The following ZSWIM9 variants were observed in gnomAD, a reference collection of about 807,000 sequenced individuals.
ZSWIM9 encodes uncharacterized protein ZSWIM9.
Under a neutral mutation model 25.0 loss-of-function variants are expected in ZSWIM9, and 11 were observed. The observed-to-expected ratio is 0.44, with a 90% CI of 0.28 to 0.73. The LOEUF (loss-of-function observed/expected upper bound fraction) is 0.73. ZSWIM9 is among the 30% of genes least tolerant of loss of function. ZSWIM9 has a pLI of 0.16. For synonymous variants in ZSWIM9, 562 were observed against 582.1 expected, an observed-to-expected ratio of 0.97 and a Z score of 0.50; for missense variants, 1,070 against 1,296.5, an observed-to-expected ratio of 0.83 and a Z score of 2.68.
chr19:48,172,659 G>A (rs1027794176), intron 2 of ZSWIM9, among the ~76,000 whole-genome samples: 2 of 152,110 alleles, frequency 1.3e-5, no homozygotes, highest in Admixed American at 1.3e-4. Flanking sequence ...TGGGATTACA[G>A]GCACGCGCCA....
chr19:48,196,926 C>A lies in ZSWIM9; in HGVS notation c.*99C>A. 2 of 1,185,750 alleles carry A rather than the reference C, an allele frequency of 1.7e-6. No individual in the cohort carries two copies. Among genetic ancestry groups the A allele is most frequent in the Non-Finnish European group, 1.1e-6 (1 of 932,510 alleles). The allele number at this position is 1,185,750 out of a possible 1,614,324, so 73.5% of individuals were successfully genotyped here. ...CTGAGGCCAAGGAGACCGTTGCAGT[C>A]CCCCTGGCCACCTTCTGGGTCATCC... On this transcript the variant is annotated 3_prime_UTR_variant, in exon 4 of 4. Coordinates refer to ENST00000614654, the MANE Select transcript of ZSWIM9 (RefSeq NM_199341.4).
chr19:48,196,458 A>C lies in ZSWIM9; in HGVS notation c.2394A>C (p.Gly798=), dbSNP rs915693495. The C allele has an allele frequency of 1.1e-5, 13 of 1,232,438 alleles. No homozygotes were observed. The highest frequency in any genetic ancestry group is 1.3e-5 in the Non-Finnish European group (13 of 988,340). 76.3% of individuals were successfully genotyped at this position (1,232,438 alleles called of 1,614,324 possible). A position where few individuals can be genotyped will look rare whatever the true frequency, so the allele number is the denominator to read the frequency against. The change falls in exon 4 of 4, where the codon GGA becomes GGC. Residue 798 remains glycine, a synonymous_variant. Coordinates refer to ENST00000614654, the MANE Select transcript of ZSWIM9 (RefSeq NM_199341.4). ...CTGCAGGTGACGGCCTGCAGGAAGG[A>C]GGCGAAGATGGCCCCAGGGAACCAA... ...HLAAGDGLQE[G]GEDGPREPKR...
rs1029654168 is a variant in ZSWIM9 at position 48,182,572 on chromosome 19, C to T, written c.393C>T (p.Phe131=). ...CACACCCGGCCTGCCCGCTGGAGTT[C>T]GCCTACTACTTCCGCCCGGGCCACC... ...THSHPACPLE[F]AYYFRPGHLL... is the part of the protein sequence containing the mutation. The change falls in exon 3 of 4, where the codon TTC becomes TTT. Residue 131 remains phenylalanine, a synonymous_variant. Transcript: ENST00000614654. The surrounding 1 kb of genome is among the most constrained non-coding windows in gnomAD (Gnocchi z 4.6). The T allele has an allele frequency of 5.2e-6, 8 of 1,535,766 alleles. No individual in the cohort carries two copies. The African/African-American group carries it at 5.5e-5, about 11-fold the overall frequency.
chr19:48,171,427 T>TA (rs1165076212), intron 1 of ZSWIM9: 1 of 977,678 alleles, frequency 1.0e-6, no homozygotes, highest in African/African-American at 1.8e-5. Context: ...GGAGGAGGTT[T>TA]TAGCTGGAAT....
Position 48,196,923 on chromosome 19 carries a change from A to C in ZSWIM9, c.*96A>C. 8.3e-7 allele frequency: 1 copy of C among 1,207,290 alleles called. No individual in the cohort carries two copies. Among genetic ancestry groups the C allele is most frequent in the Non-Finnish European group, 1.0e-6 (1 of 952,408 alleles). 74.8% of individuals were successfully genotyped at this position (1,207,290 alleles called of 1,614,324 possible). A position where few individuals can be genotyped will look rare whatever the true frequency, so the allele number is the denominator to read the frequency against. On this transcript the variant is annotated 3_prime_UTR_variant, in exon 4 of 4. Coordinates refer to ENST00000614654, the MANE Select transcript of ZSWIM9 (RefSeq NM_199341.4). ...GGGCTGAGGCCAAGGAGACCGTTGC[A>C]GTCCCCCTGGCCACCTTCTGGGTCA...
chr19:48,192,498 T>TATATATATATATATATATACACAC (rs369454865), intron 3 of ZSWIM9, among the ~76,000 whole-genome samples: 13 of 20,756 alleles, frequency 6.3e-4, no homozygotes, highest in East Asian at 1.7e-3. Flanking sequence ...TATATATATA[T>TATATATATATATATATATACACAC]ACACACACAC....
At chr19:48,173,895 T>C (rs1420913242) in intron 2 of ZSWIM9, among the ~76,000 whole-genome samples, 1 of 152,242 alleles carries the variant, frequency 6.6e-6, no homozygotes, top group African/African-American at 2.4e-5. Context: ...CCCAAAGTGC[T>C]GGGATTACAG....
intron 1 of ZSWIM9, among the ~76,000 whole-genome samples, chr19:48,170,945 A>C (rs1388523251): frequency 2.0e-5 from 3 of 151,460 alleles, no homozygotes; most frequent in Non-Finnish European, 4.4e-5. Flanking sequence ...ACGAAGATGC[A>C]TATTGCGGGG....
At chr19:48,170,882 G>T (rs1273247478) in intron 1 of ZSWIM9, among the ~76,000 whole-genome samples, 168 bp downstream of exon 1, 1 of 151,994 alleles carries the variant, frequency 6.6e-6, no homozygotes, top group Non-Finnish European at 1.5e-5. Flanking sequence ...CTGGACGTGG[G>T]GGGAGCATCT....
At chr19:48,188,988 A>G (rs2037063358) in intron 3 of ZSWIM9, among the ~76,000 whole-genome samples, 1 of 151,984 alleles carries the variant, frequency 6.6e-6, no homozygotes, top group African/African-American at 2.4e-5. Context: ...CTGAGCTCAC[A>G]CCACTGTACT....
intron 1 of ZSWIM9, 84 bp from the exon 2 acceptor site, chr19:48,171,709 AC>A (rs2036816175): frequency 1.5e-6 from 2 of 1,348,552 alleles, no homozygotes; most frequent in Non-Finnish European, 2.0e-6. Context: ...CCAGCAACCG[AC>A]GGGGCAGGCC....
intron 3 of ZSWIM9, chr19:48,192,118 ATATT>A (rs2037100335): frequency 6.5e-6 from 1 of 154,148 alleles, no homozygotes; most frequent in African/African-American, 2.4e-5. Context: ...CTTCTTTTTT[ATATT>A]TATTTATCCT....
chr19:48,183,349 G>A (rs998619954), intron 3 of ZSWIM9, among the ~76,000 whole-genome samples: 23 of 152,042 alleles, frequency 1.5e-4, no homozygotes, highest in East Asian at 9.7e-4. Context: ...GGATGGTCTC[G>A]ATCTCCTGAC....
Position 48,197,256 on chromosome 19 carries a change from A to G in ZSWIM9, c.*429A>G. The G allele has an allele frequency of 1.4e-6, 1 of 702,552 alleles. No homozygotes were observed. The highest frequency in any genetic ancestry group is 2.6e-6 in the Non-Finnish European group (1 of 384,854). 43.5% of individuals were successfully genotyped at this position (702,552 alleles called of 1,614,324 possible). A position where few individuals can be genotyped will look rare whatever the true frequency, so the allele number is the denominator to read the frequency against. ...GAAAGGGAGAAAGTACAGAAGACAG[A>G]TGAAGGAGAGGAGGTAAGCGAGAAA... On this transcript the variant is annotated 3_prime_UTR_variant, in exon 4 of 4. Coordinates refer to ENST00000614654, the MANE Select transcript of ZSWIM9 (RefSeq NM_199341.4).
Position 48,195,818 on chromosome 19 carries a change from A to G in ZSWIM9, c.1754A>G (p.Gln585Arg), listed in dbSNP as rs1441967416. The G allele has an allele frequency of 8.7e-6, 13 of 1,486,236 alleles. No homozygotes were observed. The highest frequency in any genetic ancestry group is 1.2e-5 in the Non-Finnish European group (13 of 1,125,102). 92.1% of individuals were successfully genotyped at this position (1,486,236 alleles called of 1,614,324 possible). ...YVWRGSQLED[Q>R]ALRGLEGYTW... ...TGGAGGGGGTCCCAGTTGGAGGACCAGGCGCTAAGAGGATTGGAAGGGTAT... is the reference window on the plus strand; with the variant it reads ...TGGAGGGGGTCCCAGTTGGAGGACCGGGCGCTAAGAGGATTGGAAGGGTAT... The change falls in exon 4 of 4, where the codon CAG becomes CGG. Residue 585 changes from glutamine (Q) to arginine (R), a missense_variant. Around this residue, in one of 4 missense-constraint regions of ZSWIM9, gnomAD observed 583 missense variants for 624.7 expected, o/e 0.93. Coordinates refer to ENST00000614654, the MANE Select transcript of ZSWIM9 (RefSeq NM_199341.4). This position sits in a 1 kb window ranked among gnomAD's most constrained non-coding sequence, Gnocchi z 5.8.
chr19:48,182,554 G>T lies in ZSWIM9; in HGVS notation c.375G>T (p.Pro125=). 1 of 1,535,836 alleles carries T rather than the reference G, an allele frequency of 6.5e-7. No individual in the cohort carries two copies. ...VTECQLTHSH[P]ACPLEFAYYF... ...AGTGCCAGCTGACCCACTCACACCC[G>T]GCCTGCCCGCTGGAGTTCGCCTACT... Residue 125 remains proline (P), a synonymous_variant, in exon 3 of 4, where the codon CCG becomes CCT. Coordinates refer to ENST00000614654, the MANE Select transcript of ZSWIM9 (RefSeq NM_199341.4). This position sits in a 1 kb window ranked among gnomAD's most constrained non-coding sequence, Gnocchi z 4.6.
intron 3 of ZSWIM9, among the ~76,000 whole-genome samples, chr19:48,186,040 C>T (rs2037007115): frequency 6.6e-6 from 1 of 152,040 alleles, no homozygotes; most frequent in Non-Finnish European, 1.5e-5. Flanking sequence ...ATCCAGAGGC[C>T]ACTGGCCACA....
In ZSWIM9 at chr19:48,192,468, A is replaced by ATATATATATATAT. The variant is rs1173330681; in HGVS notation, c.589-2185_589-2184insTATATATATATAT. On this transcript the variant is annotated intron_variant, in intron 3 of 3. Transcript: ENST00000614654. ...CTGTCTCAAAAAAAAAAAAAAAAAAAAAAAAAAAAAAAATATATATATATA... is the reference window on the plus strand; with the variant it reads ...CTGTCTCAAAAAAAAAAAAAAAAAAATATATATATATATAAAAAAAAAAAAATATATATATATA... Among the ~76,000 whole-genome samples the ATATATATATATAT allele has an allele frequency of 3.8e-4, 9 of 23,870 alleles. 1 individual carries two copies. The highest frequency in any genetic ancestry group is 1.6e-3 in the East Asian group (1 of 626). The allele number at this position is 23,870 out of a possible 152,430, so 15.7% of individuals were successfully genotyped here.
chr19:48,176,004 G>C (rs146120769), intron 2 of ZSWIM9, among the ~76,000 whole-genome samples: 22 of 152,306 alleles, frequency 1.4e-4, no homozygotes, highest in African/African-American at 5.3e-4. Flanking sequence ...TCAGGAGTTT[G>C]AGACCAGCCT....
Sources: allele counts gnomAD v4.1 joint callset (sites outside exome capture counted in the v4.1 genomes callset), GRCh38; gene constraint gnomAD v4.1.1; regional missense constraint gnomAD v4.1.1; non-coding constraint Gnocchi (gnomAD v3.1); transcripts MANE v1.5; gene names NCBI Gene and HGNC (gene_info 2026-07-23, HGNC 2026-07-21).